DLGAP4: variants seen among roughly 807,000 people sequenced by gnomAD.
DLGAP4 encodes DLG associated protein 4.
Under a neutral mutation model 86.9 loss-of-function variants are expected in DLGAP4, and 18 were observed. That is an observed-to-expected ratio of 0.21 (90% CI 0.14 to 0.31). The LOEUF is 0.31. DLGAP4 is among the 10% of genes least tolerant of loss of function. DLGAP4 has a pLI of 1.00. For missense variants in DLGAP4, 1,085 were observed against 1,362.6 expected (o/e 0.80, Z 3.21); for synonymous variants, 548 against 574.3 (o/e 0.95, Z 0.65).
chr20:36,417,787 T>C (rs2032703854), intron 2 of DLGAP4, among the ~76,000 whole-genome samples: 1 of 151,278 alleles, frequency 6.6e-6, no homozygotes, highest in South Asian at 2.1e-4. Flanking sequence ...TTTTTTTTTG[T>C]TGTTGTTGTT....
intron 7 of DLGAP4, chr20:36,461,685 C>CGGGG: frequency 5.7e-6 from 1 of 176,252 alleles, no homozygotes; most frequent in Non-Finnish European, 9.1e-6. Context: ...CCGGCCCTGC[C>CGGGG]CCGCCCCCGC....
intron 7 of DLGAP4, among the ~76,000 whole-genome samples, chr20:36,495,982 C>T (rs1418870680): frequency 6.6e-6 from 1 of 152,152 alleles, no homozygotes; most frequent in Non-Finnish European, 1.5e-5. Context: ...AAGCAGTTCT[C>T]CTGCCTCAGC....
chr20:36,514,849 G>A (rs533630917), intron 10 of DLGAP4, among the ~76,000 whole-genome samples: 4 of 152,224 alleles, frequency 2.6e-5, no homozygotes, highest in Admixed American at 6.5e-5. Context: ...AGAAGGAATC[G>A]AATTAGTGCC....
At chr20:36,433,475 A>G (rs1283972521) in intron 3 of DLGAP4, among the ~76,000 whole-genome samples, 1 of 152,202 alleles carries the variant, frequency 6.6e-6, no homozygotes, top group African/African-American at 2.4e-5. Flanking sequence ...TCTCAAGGGT[A>G]GGGCAGGGGG....
intron 2 of DLGAP4, among the ~76,000 whole-genome samples, chr20:36,369,367 C>T (rs1327671341): frequency 2.0e-5 from 3 of 152,026 alleles, no homozygotes; most frequent in Non-Finnish European, 2.9e-5. Context: ...CCGAGGCAGG[C>T]GGATCATCTG....
intron 2 of DLGAP4, among the ~76,000 whole-genome samples, chr20:36,387,671 C>T (rs913348915): frequency 6.6e-6 from 1 of 152,114 alleles, no homozygotes; most frequent in African/African-American, 2.4e-5. Context: ...GGTCTTTTAT[C>T]TTTGCATGCG....
chr20:36,402,389 T>C (rs896008003), intron 2 of DLGAP4, among the ~76,000 whole-genome samples: 1 of 152,202 alleles, frequency 6.6e-6, no homozygotes, highest in Non-Finnish European at 1.5e-5. Flanking sequence ...GGCTAATGCG[T>C]GTCAAGTGTC....
intron 2 of DLGAP4, among the ~76,000 whole-genome samples, chr20:36,381,708 G>T (rs1358731679): frequency 6.6e-6 from 1 of 152,090 alleles, no homozygotes; most frequent in Non-Finnish European, 1.5e-5. Context: ...CCCTTCCCCG[G>T]GCTTCCATTT....
intron 1 of DLGAP4, among the ~76,000 whole-genome samples, chr20:36,357,358 G>T (rs1555893915): frequency 6.6e-6 from 1 of 152,180 alleles, no homozygotes; most frequent in Admixed American, 6.5e-5. Flanking sequence ...CTAAGGCCCA[G>T]CCAAAGCCTC....
At chr20:36,441,916 G>A (rs112951505) in intron 5 of DLGAP4, among the ~76,000 whole-genome samples, 2 of 152,086 alleles carry the variant, frequency 1.3e-5, no homozygotes, top group South Asian at 4.1e-4. Flanking sequence ...CTTATTAATC[G>A]GCCAGGCTGG....
At chr20:36,333,346 C>T (rs989993288) in intron 1 of DLGAP4, among the ~76,000 whole-genome samples, 1 of 151,830 alleles carries the variant, frequency 6.6e-6, no homozygotes, top group East Asian at 1.9e-4. Context: ...TTTTCTAAAA[C>T]CCCTGAGCTC....
chr20:36,421,191 C>T (rs2032814875), intron 2 of DLGAP4, among the ~76,000 whole-genome samples: 1 of 152,142 alleles, frequency 6.6e-6, no homozygotes, highest in Middle Eastern at 3.4e-3. Context: ...CGCGGTGGCT[C>T]ATGCCTATAA....
intron 2 of DLGAP4, among the ~76,000 whole-genome samples, chr20:36,374,084 T>G (rs1190792756): frequency 6.6e-6 from 1 of 151,476 alleles, no homozygotes; most frequent in East Asian, 1.9e-4. Flanking sequence ...AACCCAGATC[T>G]TACGGTCAGA....
intron 11 of DLGAP4, chr20:36,525,616 G>C: frequency 1.7e-6 from 1 of 591,448 alleles, no homozygotes. Context: ...ATTAGGGACA[G>C]GAGTGCCTTC....
intron 10 of DLGAP4, among the ~76,000 whole-genome samples, chr20:36,509,414 T>C (rs2036562367): frequency 1.3e-5 from 2 of 151,548 alleles, no homozygotes; most frequent in Non-Finnish European, 1.5e-5. Context: ...CTACTGAAAA[T>C]ACAAAAATTA....
intron 2 of DLGAP4, among the ~76,000 whole-genome samples, chr20:36,401,348 CA>C: frequency 6.6e-6 from 1 of 152,324 alleles, no homozygotes; most frequent in South Asian, 2.1e-4. Flanking sequence ...AATTAGCATC[CA>C]GCTGCCTCCC....
chr20:36,460,203 C>T (rs1378333334), intron 7 of DLGAP4, among the ~76,000 whole-genome samples: 1 of 152,188 alleles, frequency 6.6e-6, no homozygotes, highest in South Asian at 2.1e-4. Flanking sequence ...CCTTGGCTCA[C>T]GCCTGTAATC....
intron 2 of DLGAP4, among the ~76,000 whole-genome samples, chr20:36,409,779 A>G (rs900259093): frequency 1.1e-4 from 16 of 151,810 alleles, no homozygotes; most frequent in African/African-American, 3.9e-4. Flanking sequence ...CAAGCCTGTA[A>G]TCCCAGCACT....
chr20:36,467,057 TC>T (rs2034434188), intron 7 of DLGAP4, among the ~76,000 whole-genome samples: 2 of 87,412 alleles, frequency 2.3e-5, no homozygotes, highest in Non-Finnish European at 4.8e-5. Context: ...TCTCTCTCTC[TC>T]TCTCTCCCCC....
Sources: gnomAD v4.1 joint callset for allele counts (sites outside exome capture counted in the v4.1 genomes callset) on GRCh38, gnomAD v4.1.1 for gene constraint, MANE v1.5 for transcripts, NCBI Gene and HGNC (gene_info 2026-07-23, HGNC 2026-07-21) for gene names.